ESPNL: variants seen among roughly 807,000 people sequenced by gnomAD.
ESPNL encodes the protein espin-like protein.
Under a neutral mutation model 46.8 loss-of-function variants are expected in ESPNL, and 49 were observed. That is an observed-to-expected ratio of 1.05 (90% confidence interval 0.83 to 1.33). ESPNL has a LOEUF of 1.33. ESPNL is among the 40% of genes most tolerant of loss of function. The pLI is 0.00. For missense variants in ESPNL, 1,540 were observed against 1,436.6 expected, an observed-to-expected ratio of 1.07 and a Z score of -1.16; for synonymous variants, 664 against 662.1, an observed-to-expected ratio of 1.00 and a Z score of -0.04.
At chr2:238,117,999 T>C (rs916687718) in intron 5 of ESPNL, among the ~76,000 whole-genome samples, 2 of 137,682 alleles carry the variant, frequency 1.5e-5, no homozygotes, top group African/African-American at 5.6e-5. Context: ...GGAAGGTGGA[T>C]GGAGGAGGAA....
Position 238,131,527 on chromosome 2 carries a change from A to G in ESPNL, c.2813A>G (p.Glu938Gly), listed in dbSNP as rs1249085895. The G allele has an allele frequency of 2.5e-6, 4 of 1,611,498 alleles. No individual in the cohort carries two copies. The highest frequency in any genetic ancestry group is 1.3e-5 in the African/African-American group (1 of 75,026). ...GSSQRPAWDT[E>G]PGRKSGLTLL... ...AGCCAGCGTCCCGCCTGGGATACGG[A>G]GCCTGGCCGCAAGTCAGGTCTGACC... The change falls in exon 9 of 9, where the codon GAG becomes GGG. Residue 938 changes from glutamate (E) to glycine (G), a missense_variant. Transcript: ENST00000343063.
At chr2:238,107,597 C>T (rs1440503769) in intron 3 of ESPNL, among the ~76,000 whole-genome samples, 194 bp from the exon 4 acceptor site, 1 of 152,218 alleles carries the variant, frequency 6.6e-6, no homozygotes, top group Non-Finnish European at 1.5e-5. Flanking sequence ...CCCACCTGGA[C>T]CCCAGAGGTC....
Position 238,125,352 on chromosome 2 carries a change from G to A in ESPNL, c.1070G>A (p.Arg357Lys), listed in dbSNP as rs376925466. The A allele has an allele frequency of 1.3e-6, 2 of 1,572,408 alleles. No homozygotes were observed. Among genetic ancestry groups the A allele is most frequent in the African/African-American group, 1.4e-5 (1 of 73,898 alleles). ...LATRRSLEDG[R>K]RGGPGPGNPS... is the part of the protein sequence containing the mutation. Reference sequence around the variant, plus strand: ...ACGAGGCGCTCCCTGGAGGATGGAAGAAGAGGAGGCCCAGGGCCAGGGAAC... The same window carrying A: ...ACGAGGCGCTCCCTGGAGGATGGAAAAAGAGGAGGCCCAGGGCCAGGGAAC... Residue 357 changes from arginine to lysine, a missense_variant, in exon 6 of 9, where the codon AGA (arginine) becomes AAA (lysine). By Grantham distance (26) the Arg-to-Lys change is conservative. Coordinates refer to ENST00000343063, the MANE Select transcript of ESPNL (RefSeq NM_194312.4).
At chr2:238,128,614 G>A in intron 7 of ESPNL, 93 bp from the exon 8 acceptor site, 3 of 1,284,382 alleles carry the variant, frequency 2.3e-6, no homozygotes, top group Non-Finnish European at 3.2e-6. Flanking sequence ...GCGTGCCCTG[G>A]GCGGAGCCAA....
Position 238,114,659 on chromosome 2 carries a change from C to G in ESPNL, c.856-2244C>G, listed in dbSNP as rs1691778223. ...TTATCTGGTTCAAGCCTCCCAGCAG[C>G]CCCCGGGGAAGGGGTGTGCGCACGC... On this transcript the variant is annotated intron_variant, in intron 4 of 8. Transcript: ENST00000343063. This position sits in a 1 kb window ranked among gnomAD's most constrained non-coding sequence, Gnocchi z 5.0. Among the ~76,000 whole-genome samples, 1 of 152,334 alleles carries G rather than the reference C, an allele frequency of 6.6e-6. No homozygotes were observed. The highest frequency in any genetic ancestry group is 1.9e-4 in the East Asian group (1 of 5,182).
At chr2:238,127,199 C>T (rs1377662211) in intron 6 of ESPNL, among the ~76,000 whole-genome samples, 1 of 152,148 alleles carries the variant, frequency 6.6e-6, no homozygotes, top group Non-Finnish European at 1.5e-5. Flanking sequence ...TGTGTCTGTG[C>T]GTGTCTGCCT....
chr2:238,129,090 G>GC, intron 8 of ESPNL, 186 bp downstream of exon 8: 1 of 1,425,274 alleles, frequency 7.0e-7, no homozygotes, highest in Non-Finnish European at 9.1e-7. Flanking sequence ...TCTGAGCAGA[G>GC]CCCCTTCACC....
At chr2:238,104,560 G>A (rs991406047) in intron 2 of ESPNL, 96 bp from the exon 3 acceptor site, 63 of 1,317,572 alleles carry the variant, frequency 4.8e-5, no homozygotes, top group East Asian at 8.0e-5. Context: ...CAGTCATCAC[G>A]GGCAGGGCCA....
At position 238,120,653 on chromosome 2, in the gene ESPNL, C is replaced by T. The variant is rs199781227; in HGVS notation, c.987+3619C>T. ...CTCCTCAGTCTGCAGCTTCAGGAGC[C>T]GGTTTGGGAGCTCGGGGTAGGGACT... is the stretch of plus-strand genomic sequence containing the variant. On this transcript the variant is annotated intron_variant, in intron 5 of 8. Coordinates refer to ENST00000343063, the MANE Select transcript of ESPNL (RefSeq NM_194312.4). Among the ~76,000 whole-genome samples the T allele has an allele frequency of 3.9e-5, 6 of 152,228 alleles. No individual in the cohort carries two copies. In the East Asian group the frequency reaches 7.7e-4, roughly 20 times the overall value.
rs368060411 is a variant in ESPNL at position 238,102,120 on chromosome 2, C to T, written c.474C>T (p.Ala158=). The T allele has an allele frequency of 5.0e-5, 77 of 1,546,284 alleles. 1 individual carries two copies. Among genetic ancestry groups the T allele is most frequent in the East Asian group, 3.4e-4 (14 of 41,332 alleles). Residue 158 remains alanine (A), a synonymous_variant, in exon 2 of 9, where the codon GCC becomes GCT. Coordinates refer to ENST00000343063, the MANE Select transcript of ESPNL (RefSeq NM_194312.4). ...TGACCTGCCTCAAGCTCCTGACAGC[C>T]GCGCATGGCAGGTAAGGAGCCCAAA... is the stretch of plus-strand genomic sequence containing the variant. ...GDLTCLKLLT[A]AHGSSVNRRT... is the part of the protein sequence containing the mutation.
chr2:238,128,279 T>C (rs910428756), intron 7 of ESPNL, among the ~76,000 whole-genome samples: 2 of 152,180 alleles, frequency 1.3e-5, no homozygotes, highest in Non-Finnish European at 2.9e-5. Context: ...CTGCTGCCCG[T>C]CGTGGAGAGC....
chr2:238,111,187 A>G (rs1691711154), intron 4 of ESPNL, among the ~76,000 whole-genome samples: 1 of 152,106 alleles, frequency 6.6e-6, no homozygotes, highest in Non-Finnish European at 1.5e-5. Flanking sequence ...TCGGCCTCCC[A>G]AAGTGCTGGG....
In ESPNL at chr2:238,101,782, C is replaced by A. The variant is rs1183777670; in HGVS notation, c.295-159C>A. On this transcript the variant is annotated intron_variant, in intron 1 of 8. Coordinates refer to ENST00000343063, the MANE Select transcript of ESPNL (RefSeq NM_194312.4). ...CTCAGTCCCAGCAGGGAGCACCTCC[C>A]TCCATGTTGCAGGCAGAAACGGAGG... is the stretch of plus-strand genomic sequence containing the variant. Among the ~76,000 whole-genome samples, 2 of 150,340 alleles carry A rather than the reference C, an allele frequency of 1.3e-5. 1 individual carries two copies. Among genetic ancestry groups the A allele is most frequent in the African/African-American group, 4.8e-5 (2 of 41,238 alleles).
chr2:238,126,157 CATCTGTGTGT>C, intron 6 of ESPNL, among the ~76,000 whole-genome samples: 1 of 143,070 alleles, frequency 7.0e-6, no homozygotes, highest in South Asian at 2.3e-4. Flanking sequence ...TGTCTGTGTG[CATCTGTGTGT>C]GATTGTGTTC....
At chr2:238,117,873 G>T (rs1334633945) in intron 5 of ESPNL, among the ~76,000 whole-genome samples, 2 of 152,172 alleles carry the variant, frequency 1.3e-5, no homozygotes, top group Admixed American at 6.5e-5. Flanking sequence ...GATACATGGA[G>T]GGGGGAGAGC....
intron 6 of ESPNL, among the ~76,000 whole-genome samples, chr2:238,126,409 T>C (rs1692117071): frequency 6.6e-6 from 1 of 151,798 alleles, no homozygotes; most frequent in Non-Finnish European, 1.5e-5. Flanking sequence ...TATGCCTGTG[T>C]ATGTGTGTTT....
intron 2 of ESPNL, among the ~76,000 whole-genome samples, chr2:238,102,443 G>A (rs921237651): frequency 6.6e-6 from 1 of 152,182 alleles, no homozygotes; most frequent in Admixed American, 6.5e-5. Context: ...GCCCCACCTG[G>A]GGGCATCTCG....
intron 4 of ESPNL, among the ~76,000 whole-genome samples, chr2:238,113,689 C>T (rs966021496): frequency 1.3e-5 from 2 of 152,162 alleles, no homozygotes; most frequent in South Asian, 4.1e-4. Flanking sequence ...GGACCACCTC[C>T]GTGACAGGAA....
rs540245431 is a variant in ESPNL at position 238,101,838 on chromosome 2, T to C, written c.295-103T>C. On this transcript the variant is annotated intron_variant, in intron 1 of 8. Coordinates refer to ENST00000343063, the MANE Select transcript of ESPNL (RefSeq NM_194312.4). Reference sequence around the variant, plus strand: ...AGGAAGGAGCTGGAAGCCCCTTCACTGGGTTGCAGGCAGTGTGAGCCCTCG... The same window carrying C: ...AGGAAGGAGCTGGAAGCCCCTTCACCGGGTTGCAGGCAGTGTGAGCCCTCG... 97 of 790,298 alleles carry C rather than the reference T, an allele frequency of 1.2e-4. No homozygotes were observed. The African/African-American group carries it at 1.4e-3, about 12-fold the overall frequency. The allele number at this position is 790,298 out of a possible 1,614,324, so 49.0% of individuals were successfully genotyped here. A position where few individuals can be genotyped will look rare whatever the true frequency, so the allele number is the denominator to read the frequency against.
Sources: allele counts gnomAD v4.1 joint callset (sites outside exome capture counted in the v4.1 genomes callset), GRCh38; gene constraint gnomAD v4.1.1; non-coding constraint Gnocchi (gnomAD v3.1); transcripts MANE v1.5; gene names NCBI Gene and HGNC (gene_info 2026-07-23, HGNC 2026-07-21).